RTN4: variants seen among roughly 807,000 people sequenced by gnomAD.
RTN4 encodes the protein reticulon-4.
In RTN4, 32 loss-of-function variants were observed where a neutral mutation model predicts 90.4. The ratio of observed to expected loss-of-function variants is 0.35; its 90% CI spans 0.27 to 0.48. RTN4 has a LOEUF of 0.48. Among genes scored for constraint, RTN4 ranks in the 20% least tolerant of loss-of-function variants. RTN4 has a pLI of 0.99. For missense variants in RTN4, 1,706 were observed against 1,430.2 expected, an observed-to-expected ratio of 1.19 and a Z score of -3.11; for synonymous variants, 629 against 552.5, an observed-to-expected ratio of 1.14 and a Z score of -1.94.
intron 3 of RTN4, among the ~76,000 whole-genome samples, chr2:54,999,055 T>C (rs1340379106): frequency 6.6e-6 from 1 of 152,192 alleles, no homozygotes; most frequent in Non-Finnish European, 1.5e-5. Flanking sequence ...TTTGGGGGAA[T>C]GCTTATGAAT....
intron 2 of RTN4, among the ~76,000 whole-genome samples, chr2:55,067,203 G>A (rs1668409328): frequency 6.6e-6 from 1 of 152,094 alleles, no homozygotes; most frequent in African/African-American, 2.4e-5. Flanking sequence ...CTTGATGATT[G>A]CTCTGAATCT....
the RTN4 span, among the ~76,000 whole-genome samples, chr2:55,119,850 T>C: frequency 1.3e-5 from 2 of 152,104 alleles, no homozygotes; most frequent in South Asian, 2.1e-4. Context: ...GGCCAACCCA[T>C]AATTATGCAG....
At chr2:55,044,785 T>TAAGAAAAAAAAAAA (rs1683306413) in intron 1 of RTN4, among the ~76,000 whole-genome samples, 1 of 65,646 alleles carries the variant, frequency 1.5e-5, no homozygotes, top group African/African-American at 6.2e-5. Flanking sequence ...TGCAAATCAC[T>TAAGAAAAAAAAAAA]AAAAAAAAAA....
the RTN4 span, among the ~76,000 whole-genome samples, chr2:55,134,499 C>T: frequency 6.6e-6 from 1 of 152,214 alleles, no homozygotes; most frequent in Admixed American, 6.5e-5. Flanking sequence ...GATGCCCACC[C>T]AGCAGGCATT....
intron 2 of RTN4, among the ~76,000 whole-genome samples, chr2:55,063,643 G>A (rs1294168183): frequency 6.6e-6 from 1 of 152,062 alleles, no homozygotes; most frequent in Non-Finnish European, 1.5e-5. Flanking sequence ...CACTCTGGGA[G>A]GCCAAGGTGG....
intron 3 of RTN4, among the ~76,000 whole-genome samples, chr2:54,998,424 T>C (rs1186240461): frequency 6.6e-6 from 1 of 152,206 alleles, no homozygotes. Context: ...GTTGACTGAT[T>C]AGAATGAATG....
chr2:55,124,846 G>A, the RTN4 span, among the ~76,000 whole-genome samples: 2 of 152,182 alleles, frequency 1.3e-5, no homozygotes, highest in Admixed American at 1.3e-4. Flanking sequence ...AAACAGCATG[G>A]TACTGGTACA....
chr2:54,976,998 T>A (rs372497871), intron 5 of RTN4, among the ~76,000 whole-genome samples: 4 of 152,366 alleles, frequency 2.6e-5, no homozygotes, highest in East Asian at 3.9e-4. Flanking sequence ...TGGTTTATCT[T>A]TCTTCCAGGG....
intron 5 of RTN4, among the ~76,000 whole-genome samples, chr2:54,976,986 T>A (rs1309890125): frequency 6.6e-6 from 1 of 152,228 alleles, no homozygotes; most frequent in Non-Finnish European, 1.5e-5. Context: ...AAGGGCCACA[T>A]CTGGTTTATC....
intron 3 of RTN4, among the ~76,000 whole-genome samples, chr2:54,994,587 A>G (rs1450127291): frequency 1.3e-5 from 2 of 152,218 alleles, no homozygotes; most frequent in South Asian, 2.1e-4. Flanking sequence ...TCAACCTGAT[A>G]AAGAGCATCT....
upstream of RTN4, among the ~76,000 whole-genome samples, chr2:55,055,193 C>CA (rs1214797256): frequency 3.3e-5 from 5 of 151,138 alleles, no homozygotes; most frequent in African/African-American, 7.3e-5. Context: ...TTTGATCTAG[C>CA]AAAAAAATTA....
intron 5 of RTN4, among the ~76,000 whole-genome samples, chr2:54,979,285 T>C (rs1214310780): frequency 3.3e-5 from 5 of 152,028 alleles, no homozygotes; most frequent in African/African-American, 1.2e-4. Context: ...CTCAAACTCC[T>C]GGCCTCAAGC....
chr2:55,022,896 AACACACACACAC>A (rs150779063), intron 3 of RTN4, among the ~76,000 whole-genome samples: 7 of 137,388 alleles, frequency 5.1e-5, no homozygotes, highest in East Asian at 2.2e-4. Context: ...TTCAACATCC[AACACACACACAC>A]ACACACACAC....
intron 1 of RTN4, among the ~76,000 whole-genome samples, chr2:55,030,600 T>A (rs1293350462): frequency 6.6e-6 from 1 of 152,120 alleles, no homozygotes; most frequent in Non-Finnish European, 1.5e-5. Context: ...AGTACCCACC[T>A]AAAAATGTTG....
At chr2:55,007,511 T>A (rs1006820852) in intron 3 of RTN4, among the ~76,000 whole-genome samples, 2 of 152,146 alleles carry the variant, frequency 1.3e-5, no homozygotes, top group Admixed American at 6.6e-5. Flanking sequence ...ACTGGAACCC[T>A]GGGCAGCACG....
intron 4 of RTN4, among the ~76,000 whole-genome samples, chr2:54,986,199 G>GC (rs1187843128): frequency 6.6e-6 from 1 of 151,758 alleles, no homozygotes; most frequent in East Asian, 1.9e-4. Context: ...ATTTTCTTTT[G>GC]TTTTTTTTCT....
the RTN4 span, among the ~76,000 whole-genome samples, chr2:55,122,403 C>G: frequency 6.6e-6 from 1 of 152,182 alleles, no homozygotes; most frequent in African/African-American, 2.4e-5. Flanking sequence ...TGGCCCTGAC[C>G]AGAGCTGGCT....
chr2:55,096,986 C>G (rs1667743928), intron 1 of RTN4, among the ~76,000 whole-genome samples: 1 of 151,584 alleles, frequency 6.6e-6, no homozygotes, highest in Non-Finnish European at 1.5e-5. Context: ...TTAAAGGGAG[C>G]AACTAGGCCA....
chr2:55,118,495 A>C, the RTN4 span, among the ~76,000 whole-genome samples: 3 of 152,148 alleles, frequency 2.0e-5, no homozygotes, highest in Admixed American at 2.0e-4. Context: ...AAGAAGTTTC[A>C]CATGATAAAG....
Sources: gnomAD v4.1 joint callset for allele counts (sites outside exome capture counted in the v4.1 genomes callset) on GRCh38, gnomAD v4.1.1 for gene constraint, MANE v1.5 for transcripts, NCBI Gene and HGNC (gene_info 2026-07-23, HGNC 2026-07-21) for gene names.